The following CFAP300 variants were observed in gnomAD, a reference collection of about 807,000 sequenced individuals.
CFAP300 encodes cilia- and flagella-associated protein 300.
A neutral mutation model predicts 33.0 loss-of-function variants in CFAP300; 32 were observed. That is an observed-to-expected ratio of 0.97 (90% confidence interval 0.73 to 1.30). The LOEUF (loss-of-function observed/expected upper bound fraction) is 1.30. Among genes scored for constraint, CFAP300 ranks in the 50% most tolerant of loss-of-function variants. The pLI is 0.00. For synonymous variants in CFAP300, 102 were observed against 106.8 expected, an observed-to-expected ratio of 0.95 and a Z score of 0.28; for missense variants, 356 against 318.1, an observed-to-expected ratio of 1.12 and a Z score of -0.90.
At chr11:102,065,430 T>C (rs1942207823) in intron 3 of CFAP300, among the ~76,000 whole-genome samples, 1 of 151,618 alleles carries the variant, frequency 6.6e-6, no homozygotes, top group South Asian at 2.1e-4. Flanking sequence ...GAAGAGAAAA[T>C]GTTTTCAAGA....
intron 4 of CFAP300, among the ~76,000 whole-genome samples, chr11:102,073,892 G>A (rs947142932): frequency 3.3e-5 from 5 of 152,178 alleles, no homozygotes; most frequent in Non-Finnish European, 7.3e-5. Flanking sequence ...CATCTTCAGG[G>A]AACATGCAAG....
In CFAP300 at chr11:102,083,127, C is replaced by T. The variant is rs757720917; in HGVS notation, c.732C>T (p.Tyr244=). Residue 244 remains tyrosine (Y), a synonymous_variant, in exon 7 of 7, where the codon TAC becomes TAT. Coordinates refer to ENST00000434758, the MANE Select transcript of CFAP300 (RefSeq NM_032930.3). ...SAKNHEQTFS[Y]FIVDPIRRHL... is the part of the protein sequence containing the mutation. ...AGAATCATGAACAGACATTTTCTTA[C>T]TTTATTGTGGATCCTATCAGGCGTC... 8 of 1,561,108 alleles carry T rather than the reference C, an allele frequency of 5.1e-6. No individual in the cohort carries two copies. The highest frequency in any genetic ancestry group is 6.9e-6 in the Non-Finnish European group (8 of 1,151,502).
At chr11:102,053,852 C>CT (rs1007291924) in intron 2 of CFAP300, among the ~76,000 whole-genome samples, 1 of 152,334 alleles carries the variant, frequency 6.6e-6, no homozygotes, top group Non-Finnish European at 1.5e-5. Context: ...ACTCCCCAGC[C>CT]TTATCTGACC....
chr11:102,074,691 T>C (rs1942370632), intron 4 of CFAP300, among the ~76,000 whole-genome samples: 1 of 152,020 alleles, frequency 6.6e-6, no homozygotes, highest in African/African-American at 2.4e-5. Context: ...ATTATATCTA[T>C]ATTTTACTTT....
At chr11:102,054,081 G>C (rs1942012613) in intron 2 of CFAP300, among the ~76,000 whole-genome samples, 1 of 152,184 alleles carries the variant, frequency 6.6e-6, no homozygotes, top group African/African-American at 2.4e-5. Context: ...ATCCACCATG[G>C]AAACAGGCAA....
chr11:102,062,421 A>G (rs1156299083), intron 3 of CFAP300, among the ~76,000 whole-genome samples: 1 of 152,190 alleles, frequency 6.6e-6, no homozygotes, highest in South Asian at 2.1e-4. Flanking sequence ...GTATACGGAC[A>G]CTATGGGCAA....
chr11:102,076,387 T>C (rs1322791896), intron 5 of CFAP300, among the ~76,000 whole-genome samples: 1 of 152,232 alleles, frequency 6.6e-6, no homozygotes, highest in Non-Finnish European at 1.5e-5. Context: ...TCCCTCCAGA[T>C]GTTTGAGTTT....
At chr11:102,072,107 A>G (rs1020823322) in intron 4 of CFAP300, among the ~76,000 whole-genome samples, 12 of 151,976 alleles carry the variant, frequency 7.9e-5, no homozygotes, top group Non-Finnish European at 1.6e-4. Context: ...CACCTTCTGG[A>G]ACACCCATAA....
At chr11:102,051,304 C>T (rs1359016359) in intron 2 of CFAP300, among the ~76,000 whole-genome samples, 1 of 152,116 alleles carries the variant, frequency 6.6e-6, no homozygotes, top group Admixed American at 6.6e-5. Context: ...ACATCTTCAC[C>T]ATGGGACTGG....
intron 3 of CFAP300, among the ~76,000 whole-genome samples, chr11:102,062,185 C>T (rs1465628739): frequency 2.0e-5 from 3 of 152,212 alleles, no homozygotes; most frequent in African/African-American, 7.2e-5. Context: ...AGTGCCTTCA[C>T]CAGCAACTGA....
At chr11:102,083,047 A>G in intron 6 of CFAP300, 24 bp from the exon 7 acceptor site, 2 of 1,250,686 alleles carry the variant, frequency 1.6e-6, no homozygotes, top group Non-Finnish European at 2.1e-6. Context: ...TAAAATAATA[A>G]TAATTTAGGT....
chr11:102,071,947 AT>A (rs1216936311), intron 4 of CFAP300, among the ~76,000 whole-genome samples: 1 of 152,106 alleles, frequency 6.6e-6, no homozygotes, highest in Non-Finnish European at 1.5e-5. Context: ...TTTGATGATA[AT>A]GTGCCTTCAA....
intron 3 of CFAP300, among the ~76,000 whole-genome samples, chr11:102,064,462 C>T (rs1015697564): frequency 2.0e-5 from 3 of 152,180 alleles, no homozygotes; most frequent in Non-Finnish European, 4.4e-5. Flanking sequence ...TTCTTAGCAG[C>T]ATAGCTTTTG....
At chr11:102,056,513 C>T (rs1942058911) in intron 2 of CFAP300, among the ~76,000 whole-genome samples, 1 of 152,074 alleles carries the variant, frequency 6.6e-6, no homozygotes, top group South Asian at 2.1e-4. Flanking sequence ...AAAGTGGTAT[C>T]TTCTGGATTT....
At chr11:102,073,737 A>G (rs1315919901) in intron 4 of CFAP300, among the ~76,000 whole-genome samples, 2 of 152,042 alleles carry the variant, frequency 1.3e-5, no homozygotes, top group Admixed American at 6.5e-5. Flanking sequence ...AACAGTGGCC[A>G]TGGCAGTAGT....
chr11:102,052,824 C>T (rs1941990929), intron 2 of CFAP300, among the ~76,000 whole-genome samples: 1 of 152,180 alleles, frequency 6.6e-6, no homozygotes, highest in Admixed American at 6.5e-5. Context: ...CAACAGTAGC[C>T]TTCCTCCTAG....
intron 5 of CFAP300, among the ~76,000 whole-genome samples, chr11:102,077,069 C>G (rs1942405879): frequency 6.6e-6 from 1 of 151,104 alleles, no homozygotes; most frequent in Non-Finnish European, 1.5e-5. Context: ...AGATACTTCT[C>G]TGTATACCCT....
rs1237001906 is a variant in CFAP300 at position 102,083,767 on chromosome 11, C to CA, written c.*569dup. 2.0e-5 allele frequency: 3 copies of CA among 152,334 alleles called. No individual in the cohort carries two copies. Among genetic ancestry groups the CA allele is most frequent in the Non-Finnish European group, 4.4e-5 (3 of 68,174 alleles). The allele number at this position is 152,334 out of a possible 1,614,324, so 9.4% of individuals were successfully genotyped here. A position where few individuals can be genotyped will look rare whatever the true frequency, so the allele number is the denominator to read the frequency against. ...GCACGGTGGCTCACGCCTGTAATCT[C>CA]AGCACTTTGGGAGGCCAAGGCGGGC... is the stretch of plus-strand genomic sequence containing the variant. On this transcript the variant is annotated 3_prime_UTR_variant, in exon 7 of 7. Transcript: ENST00000434758.
At position 102,073,686 on chromosome 11, in the gene CFAP300, C is replaced by T. The variant is rs927428858; in HGVS notation, c.436-2187C>T. On this transcript the variant is annotated intron_variant, in intron 4 of 6. Transcript: ENST00000434758. ...GTCAGTGGCTGCAGCCACTGGCAGGCGGCTCTTGGGTTCTGGAGAGCACAC... is the reference window on the plus strand; with the variant it reads ...GTCAGTGGCTGCAGCCACTGGCAGGTGGCTCTTGGGTTCTGGAGAGCACAC... Among the ~76,000 whole-genome samples the T allele has an allele frequency of 7.9e-5, 12 of 151,962 alleles. No homozygotes were observed. In the East Asian group the frequency reaches 1.2e-3, roughly 15 times the overall value.
Sources: gnomAD v4.1 joint callset for allele counts (sites outside exome capture counted in the v4.1 genomes callset) on GRCh38, gnomAD v4.1.1 for gene constraint, MANE v1.5 for transcripts, NCBI Gene and HGNC (gene_info 2026-07-23, HGNC 2026-07-21) for gene names.